Variants in KARS1 observed in about 807,000 individuals in gnomAD.
The protein encoded by KARS1 is lysine--tRNA ligase.
A neutral mutation model predicts 63.9 loss-of-function variants in KARS1; 50 were observed. That is an observed-to-expected ratio of 0.78 (90% CI 0.62 to 0.99). The LOEUF (loss-of-function observed/expected upper bound fraction) is 0.99, where lower values mean the gene tolerates loss of function less well. KARS1 is among the 50% of genes least tolerant of loss of function. The pLI, the probability that KARS1 is intolerant of heterozygous loss-of-function variation, is 0.00. For missense variants in KARS1, 816 were observed against 754.5 expected (o/e 1.08, Z -0.95); for synonymous variants, 320 against 264.6 (o/e 1.21, Z -2.03).
chr16:75,630,480 C>T lies in KARS1; in HGVS notation c.1367G>A (p.Cys456Tyr), dbSNP rs748723559. ...ATCACAGATGAATGTAGGATTGATGCAAGTCACTTCCAGGAACTCCCCAAC... is the reference window on the plus strand; with the variant it reads ...ATCACAGATGAATGTAGGATTGATGTAAGTCACTTCCAGGAACTCCCCAAC... ...KLVGEFLEVT[C>Y]INPTFICDHP... Residue 456 changes from cysteine to tyrosine, a missense_variant, in exon 11 of 14, where the codon TGC becomes TAC. By Grantham distance (194) the Cys-to-Tyr change is radical (BLOSUM62 -2). Transcript: ENST00000302445. 2 of 1,611,824 alleles carry T rather than the reference C, an allele frequency of 1.2e-6. No individual in the cohort carries two copies. Among genetic ancestry groups the T allele is most frequent in the East Asian group, 2.2e-5 (1 of 44,862 alleles).
intron 1 of KARS1, among the ~76,000 whole-genome samples, chr16:75,646,537 C>CT (rs1373550549): frequency 2.7e-5 from 4 of 146,750 alleles, no homozygotes; most frequent in Non-Finnish European, 3.0e-5. Context: ...GAGACTCCAT[C>CT]TTAAAAAAAA....
chr16:75,633,515 C>CTT (rs770761249), intron 7 of KARS1, among the ~76,000 whole-genome samples: 3,942 of 127,436 alleles, frequency 0.031, 140 homozygotes, highest in Middle Eastern at 0.061. Context: ...TTTGAAGATA[C>CTT]TTTTTTTTTT....
intron 1 of KARS1, chr16:75,644,152 G>A (rs928103784): frequency 1.4e-6 from 1 of 711,046 alleles, no homozygotes. Context: ...AGGACTATTG[G>A]TTTTGGTATT....
Position 75,636,829 on chromosome 16 carries a change from G to A in KARS1, c.389-282C>T, listed in dbSNP as rs1405749860. 7.3e-5 allele frequency among the ~76,000 whole-genome samples: 11 copies of A among 151,528 alleles called. No homozygotes were observed. The South Asian group carries it at 2.3e-3, about 32-fold the overall frequency. ...TTCTTTTTTTTTTTAAAGTAGAGAG[G>A]GGGTTTCACCATGTTGCCCAGGCTG... On this transcript the variant is annotated intron_variant, in intron 3 of 13. Transcript: ENST00000302445.
intron 3 of KARS1, 59 bp downstream of exon 3, chr16:75,640,125 C>A: frequency 6.8e-7 from 1 of 1,467,652 alleles, no homozygotes; most frequent in African/African-American, 1.4e-5. Flanking sequence ...CCTTGTGCTA[C>A]TGAAGCCGCA....
At position 75,644,386 on chromosome 16, in the gene KARS1, G is replaced by A. The variant is rs371452227; in HGVS notation, c.63-2663C>T. The A allele has an allele frequency of 1.9e-4, 307 of 1,612,424 alleles. No homozygotes were observed. The highest frequency in any genetic ancestry group is 3.1e-4 in the African/African-American group (23 of 75,014). The stretch of plus-strand genomic sequence containing the variant: ...CCCCACTCTGCCCAGGAGGTTTTGC[G>A]CAGGGACCCCCTAACAAGCCTTACA... On this transcript the variant is annotated intron_variant, in intron 1 of 13. Transcript: ENST00000302445.
At position 75,635,742 on chromosome 16, in the gene KARS1, T is replaced by G; in HGVS notation, c.733A>C (p.Ile245Leu). The G allele has an allele frequency of 6.2e-7, 1 of 1,614,172 alleles. No individual in the cohort carries two copies. Among genetic ancestry groups the G allele is most frequent in the Non-Finnish European group, 8.5e-7 (1 of 1,179,988 alleles). Reference sequence around the variant, plus strand: ...TATGTGATGATCTTAGAGCGGATGATAAATTTCTGCCTCACAAAGTCATTC... The same window carrying G: ...TATGTGATGATCTTAGAGCGGATGAGAAATTTCTGCCTCACAAAGTCATTC... ...ILNDFVRQKFIIRSKIITYIR... is the reference protein window; with the variant it reads ...ILNDFVRQKFLIRSKIITYIR... Residue 245 changes from isoleucine (I) to leucine (L), a missense_variant, in exon 6 of 14, where the codon ATC (isoleucine) becomes CTC (leucine). Physicochemically the swap from Ile to Leu is conservative, Grantham distance 5. Transcript: ENST00000302445.
At chr16:75,645,219 T>C (rs1397142707) in intron 1 of KARS1, among the ~76,000 whole-genome samples, 1 of 152,212 alleles carries the variant, frequency 6.6e-6, no homozygotes, top group African/African-American at 2.4e-5. Context: ...AAAATTATTT[T>C]AGCTCATGGT....
chr16:75,640,140 T>C (rs200861855), intron 3 of KARS1, 44 bp downstream of exon 3: 1 of 1,567,716 alleles, frequency 6.4e-7, no homozygotes, highest in Non-Finnish European at 8.8e-7. Context: ...GCCGCAGGCC[T>C]ACCTGCTGTG....
chr16:75,641,600 A>G lies in KARS1; in HGVS notation c.186T>C (p.Asn62=), dbSNP rs2151810285. Residue 62 remains asparagine, a synonymous_variant, in exon 2 of 14, where the codon AAT becomes AAC. Transcript: ENST00000302445. ...TAAATNHTTD[N]GVGPEEESVD... is the part of the protein sequence containing the mutation. ...CGCTCTCTTCCTCAGGACCCACACC[A>G]TTATCAGTGGTGTGGTTGGTGGCAG... 1.2e-6 allele frequency: 2 copies of G among 1,613,892 alleles called. No homozygotes were observed. Among genetic ancestry groups the G allele is most frequent in the Admixed American group, 1.7e-5 (1 of 60,006 alleles).
chr16:75,644,481 A>C, intron 1 of KARS1: 1 of 1,559,444 alleles, frequency 6.4e-7, no homozygotes, highest in African/African-American at 1.4e-5. Flanking sequence ...AAACACAGAG[A>C]TGTGGTGTCA....
chr16:75,631,467 C>G lies in KARS1; in HGVS notation c.1201G>C (p.Glu401Gln), dbSNP rs1435205889. The change falls in exon 9 of 14, where the codon GAG becomes CAG. Residue 401 changes from glutamate (E) to glutamine (Q), a missense_variant. Glu to Gln is a conservative substitution (Grantham distance 29, BLOSUM62 2). Coordinates refer to ENST00000302445, the MANE Select transcript of KARS1 (RefSeq NM_005548.3). ...GGCAGCTTCATCCCCAGGGCTTTCT[C>G]AAGCTCTTCTACCATGTTGATTCGC... is the stretch of plus-strand genomic sequence containing the variant. ...FRRINMVEEL[E>Q]KALGMKLPET... is the part of the protein sequence containing the mutation. 8 of 1,614,056 alleles carry G rather than the reference C, an allele frequency of 5.0e-6. No homozygotes were observed. The Admixed American group carries it at 6.7e-5, about 13-fold the overall frequency.
chr16:75,641,716 T>A lies in KARS1; in HGVS notation c.70A>T (p.Lys24Ter), dbSNP rs1411205810. The A allele has an allele frequency of 6.2e-7, 1 of 1,613,828 alleles. No individual in the cohort carries two copies. Among genetic ancestry groups the A allele is most frequent in the Admixed American group, 1.7e-5 (1 of 60,026 alleles). Residue 24 changes from lysine to a stop codon, truncating the protein, a stop_gained, in exon 2 of 14, where the codon AAG becomes TAG. Coordinates refer to ENST00000302445, the MANE Select transcript of KARS1 (RefSeq NM_005548.3). LOFTEE classifies it high-confidence loss of function. ...SEPKLSKNEL[K>*]RRLKAEKKVA... ...TTCTTCTCAGCTTTCAGGCGTCTCTTCAGCTCACTGTTGGAAAGATGAAAG... is the reference window on the plus strand; with the variant it reads ...TTCTTCTCAGCTTTCAGGCGTCTCTACAGCTCACTGTTGGAAAGATGAAAG...
chr16:75,647,413 C>T (rs1346895892), intron 1 of KARS1, 165 bp downstream of exon 1: 1 of 722,658 alleles, frequency 1.4e-6, no homozygotes, highest in Non-Finnish European at 2.4e-6. Flanking sequence ...CGGGGTATCC[C>T]GGGGTACGTG....
At chr16:75,635,575 T>C (rs2082152305) in intron 6 of KARS1, 105 bp downstream of exon 6, 4 of 1,264,902 alleles carry the variant, frequency 3.2e-6, no homozygotes, top group Admixed American at 1.7e-5. Flanking sequence ...TCATTAGGCA[T>C]GAAGGATCCT....
intron 1 of KARS1, chr16:75,644,295 G>A (rs1246873031): frequency 6.2e-7 from 1 of 1,602,004 alleles, no homozygotes; most frequent in South Asian, 1.1e-5. Flanking sequence ...TCTTTGATCA[G>A]AAAATGACTT....
chr16:75,628,919 C>T lies in KARS1; in HGVS notation c.1552-207G>A, dbSNP rs573883389. The T allele has an allele frequency of 4.7e-5, 29 of 614,708 alleles. No individual in the cohort carries two copies. In the South Asian group the frequency reaches 5.3e-4, roughly 11 times the overall value. The allele number at this position is 614,708 out of a possible 1,614,324, so 38.1% of individuals were successfully genotyped here. A position where few individuals can be genotyped will look rare whatever the true frequency, so the allele number is the denominator to read the frequency against. On this transcript the variant is annotated intron_variant, in intron 12 of 13. Transcript: ENST00000302445. ...GGAGGTCAGGACTGATGAAATCGACCTCAGAACACATACAAATTTCTCTGA... is the reference window on the plus strand; with the variant it reads ...GGAGGTCAGGACTGATGAAATCGACTTCAGAACACATACAAATTTCTCTGA...
chr16:75,642,419 C>G (rs1197088414), intron 1 of KARS1, among the ~76,000 whole-genome samples: 1 of 151,938 alleles, frequency 6.6e-6, no homozygotes, highest in East Asian at 1.9e-4. Flanking sequence ...CCAGACTGGT[C>G]TCAAACTCCT....
chr16:75,634,234 G>A lies in KARS1; in HGVS notation c.854C>T (p.Thr285Ile). 6.2e-7 allele frequency: 1 copy of A among 1,614,022 alleles called. No individual in the cohort carries two copies. The highest frequency in any genetic ancestry group is 8.5e-7 in the Non-Finnish European group (1 of 1,179,850). ...GTTCATGTCCAGCTCGTTGTGATAA[G>A]TGATGAAAGGCTTGGCCACGGCTCC... is the stretch of plus-strand genomic sequence containing the variant. ...PGGAVAKPFI[T>I]YHNELDMNLY... The change falls in exon 7 of 14, where the codon ACT (threonine) becomes ATT (isoleucine). Residue 285 changes from threonine to isoleucine, a missense_variant. Thr to Ile is a moderately conservative substitution (Grantham distance 89, BLOSUM62 -1). Coordinates refer to ENST00000302445, the MANE Select transcript of KARS1 (RefSeq NM_005548.3).
Sources: gnomAD v4.1 joint callset for allele counts (sites outside exome capture counted in the v4.1 genomes callset) on GRCh38, gnomAD v4.1.1 for gene constraint, MANE v1.5 for transcripts, NCBI Gene and HGNC (gene_info 2026-07-23, HGNC 2026-07-21) for gene names.